IARS1: variants seen among roughly 807,000 people sequenced by gnomAD.
IARS1 encodes the protein isoleucine--tRNA ligase, cytoplasmic.
A neutral mutation model predicts 168.2 loss-of-function variants in IARS1; 124 were observed. That is an observed-to-expected ratio of 0.74 (90% CI 0.64 to 0.86). The LOEUF is 0.86. Among genes scored for constraint, IARS1 ranks in the 40% least tolerant of loss-of-function variants. IARS1 has a pLI of 0.00. For missense variants in IARS1, 1,452 were observed against 1,515.8 expected (o/e 0.96, Z 0.70); for synonymous variants, 532 against 529.4 (o/e 1.00, Z -0.07).
intron 11 of IARS1, 109 bp from the exon 12 acceptor site, chr9:92,271,185 T>C (rs1278743548): frequency 3.3e-6 from 2 of 603,754 alleles, no homozygotes; most frequent in African/African-American, 1.8e-5. Flanking sequence ...AAATAACAAA[T>C]ATTATTTATT....
At chr9:92,245,759 A>G (rs1239397850) in intron 26 of IARS1, among the ~76,000 whole-genome samples, 1 of 149,452 alleles carries the variant, frequency 6.7e-6, no homozygotes, top group Non-Finnish European at 1.5e-5. Context: ...AATAAGGTTT[A>G]GCCCAGGAAT....
intron 29 of IARS1, among the ~76,000 whole-genome samples, 186 bp from the exon 30 acceptor site, chr9:92,241,147 G>A (rs2133600110): frequency 6.6e-6 from 1 of 151,916 alleles, no homozygotes; most frequent in East Asian, 1.9e-4. Context: ...TTCTTATCCT[G>A]GTTTCTTAAA....
intron 18 of IARS1, 99 bp downstream of exon 18, chr9:92,260,052 C>T (rs1268206425): frequency 1.2e-6 from 1 of 812,640 alleles, no homozygotes; most frequent in Non-Finnish European, 2.1e-6. Flanking sequence ...TTGCTAAAAA[C>T]CTAACTATAA....
In IARS1 at chr9:92,289,294, C is replaced by T. The variant is rs898158148; in HGVS notation, c.119+7G>A. ...TTAAGGGAACTTAACCTAAAAAATT[C>T]ACATACTTTGGTTTATGTTTTGATT... is the stretch of plus-strand genomic sequence containing the variant. On this transcript the variant is annotated splice_region_variant and intron_variant, in intron 2 of 33. Coordinates refer to ENST00000443024, the MANE Select transcript of IARS1 (RefSeq NM_002161.6). 3 of 1,158,924 alleles carry T rather than the reference C, an allele frequency of 2.6e-6. No homozygotes were observed. In the African/African-American group the frequency reaches 4.6e-5, roughly 18 times the overall value. 71.8% of individuals were successfully genotyped at this position (1,158,924 alleles called of 1,614,324 possible).
At chr9:92,257,185 T>C (rs1476026845) in intron 19 of IARS1, among the ~76,000 whole-genome samples, 1 of 152,352 alleles carries the variant, frequency 6.6e-6, no homozygotes, top group South Asian at 2.1e-4. Flanking sequence ...AAATGAGTAC[T>C]GGGAAATAAT....
chr9:92,293,690 G>A lies in IARS1; in HGVS notation c.-87C>T, dbSNP rs889794234. 3.0e-5 allele frequency: 8 copies of A among 271,126 alleles called. No homozygotes were observed. The highest frequency in any genetic ancestry group is 4.8e-5 in the Non-Finnish European group (6 of 125,112). The allele number at this position is 271,126 out of a possible 1,614,324, so 16.8% of individuals were successfully genotyped here. ...CTCATCCGGCGTCCACGCTGCAACCGGGCGCACGGAGGTGATGCAACGCGC... is the reference window on the plus strand; with the variant it reads ...CTCATCCGGCGTCCACGCTGCAACCAGGCGCACGGAGGTGATGCAACGCGC... On this transcript the variant is annotated 5_prime_UTR_variant, in exon 1 of 34. Coordinates refer to ENST00000443024, the MANE Select transcript of IARS1 (RefSeq NM_002161.6).
intron 30 of IARS1, among the ~76,000 whole-genome samples, chr9:92,232,413 G>T (rs1333823801): frequency 6.6e-6 from 1 of 152,206 alleles, no homozygotes; most frequent in Non-Finnish European, 1.5e-5. Flanking sequence ...TAGAATAAGA[G>T]AAATGATTCT....
At chr9:92,211,044 T>C (rs1009400968) in intron 33 of IARS1, among the ~76,000 whole-genome samples, 155 bp from the exon 34 acceptor site, 6 of 152,212 alleles carry the variant, frequency 3.9e-5, no homozygotes, top group Non-Finnish European at 8.8e-5. Flanking sequence ...CTCTAAATCC[T>C]TGGAATTTCC....
chr9:92,244,434 CT>C (rs1392019761), intron 27 of IARS1, among the ~76,000 whole-genome samples: 1 of 152,146 alleles, frequency 6.6e-6, no homozygotes, highest in Non-Finnish European at 1.5e-5. Flanking sequence ...CATGCGAGAT[CT>C]TACAACTATG....
At chr9:92,278,433 G>A in intron 7 of IARS1, 147 bp from the exon 8 acceptor site, 1 of 636,558 alleles carries the variant, frequency 1.6e-6, no homozygotes, top group Non-Finnish European at 2.8e-6. Flanking sequence ...ATACTGCAAA[G>A]AACACTATGG....
chr9:92,275,038 T>C (rs954842234), intron 9 of IARS1, among the ~76,000 whole-genome samples: 1 of 152,196 alleles, frequency 6.6e-6, no homozygotes, highest in Non-Finnish European at 1.5e-5. Flanking sequence ...TCAGGGGAAA[T>C]GTGTTCAATT....
At chr9:92,252,527 G>A (rs1442698073) in intron 21 of IARS1, 1 of 426,620 alleles carries the variant, frequency 2.3e-6, no homozygotes. Flanking sequence ...ACTGCTTTGA[G>A]AGGCTGAGGC....
chr9:92,247,361 C>T lies in IARS1; in HGVS notation c.2791+16G>A. ...CTCAGGACATAAATGGTGCCCTTGT[C>T]TGTGTAGACACCTACCAGTCTTCTG... On this transcript the variant is annotated intron_variant, in intron 26 of 33. Coordinates refer to ENST00000443024, the MANE Select transcript of IARS1 (RefSeq NM_002161.6). 6.2e-7 allele frequency: 1 copy of T among 1,607,140 alleles called. No individual in the cohort carries two copies. The highest frequency in any genetic ancestry group is 8.5e-7 in the Non-Finnish European group (1 of 1,177,246).
chr9:92,250,043 G>C, intron 24 of IARS1, 102 bp from the exon 25 acceptor site: 1 of 874,736 alleles, frequency 1.1e-6, no homozygotes, highest in South Asian at 1.4e-5. Flanking sequence ...GCTCTAGTCA[G>C]GCTGGACTAG....
At chr9:92,222,475 T>C in intron 33 of IARS1, 45 bp downstream of exon 33, 2 of 1,572,352 alleles carry the variant, frequency 1.3e-6, no homozygotes, top group East Asian at 2.3e-5. Context: ...CATCAAAATC[T>C]ACTTTCAACA....
chr9:92,229,695 ACAG>A (rs1826365239), intron 30 of IARS1, among the ~76,000 whole-genome samples: 1 of 152,322 alleles, frequency 6.6e-6, no homozygotes, highest in Non-Finnish European at 1.5e-5. Flanking sequence ...GTGAGATACC[ACAG>A]GCCCCTTACC....
chr9:92,252,692 A>G (rs1259338410), intron 21 of IARS1, among the ~76,000 whole-genome samples: 1 of 137,222 alleles, frequency 7.3e-6, no homozygotes, highest in Non-Finnish European at 1.5e-5. Context: ...TGAACCTGGG[A>G]GGCAAAGGTT....
chr9:92,288,201 T>G lies in IARS1; in HGVS notation c.201A>C (p.Ile67=). ...GHILAGTIKD[I]VTRYAHQSGF... Reference sequence around the variant, plus strand: ...CACTCTGGTGAGCATATCTTGTAACTATATCTTTAATTGTACCCGCAAGTA... The same window carrying G: ...CACTCTGGTGAGCATATCTTGTAACGATATCTTTAATTGTACCCGCAAGTA... The change falls in exon 3 of 34, where the codon ATA becomes ATC. Residue 67 remains isoleucine, a synonymous_variant. Coordinates refer to ENST00000443024, the MANE Select transcript of IARS1 (RefSeq NM_002161.6). The G allele has an allele frequency of 2.5e-6, 4 of 1,614,052 alleles. No individual in the cohort carries two copies. Among genetic ancestry groups the G allele is most frequent in the Non-Finnish European group, 3.4e-6 (4 of 1,179,898 alleles).
intron 20 of IARS1, 110 bp from the exon 21 acceptor site, chr9:92,253,563 C>A: frequency 1.4e-6 from 1 of 698,598 alleles, no homozygotes; most frequent in South Asian, 1.6e-5. Flanking sequence ...CAAGTGCCTC[C>A]ACTTACTAAG....
Sources: gnomAD v4.1 joint callset for allele counts (sites outside exome capture counted in the v4.1 genomes callset) on GRCh38, gnomAD v4.1.1 for gene constraint, MANE v1.5 for transcripts, NCBI Gene and HGNC (gene_info 2026-07-23, HGNC 2026-07-21) for gene names.